Variants in THRB observed in about 807,000 individuals in gnomAD.
THRB encodes nuclear receptor subfamily 1 group A member 2.
A neutral mutation model predicts 47.8 loss-of-function variants in THRB; 12 were observed. The observed-to-expected ratio is 0.25, with a 90% CI of 0.16 to 0.41. The LOEUF (loss-of-function observed/expected upper bound fraction) is 0.41, where lower values mean the gene tolerates loss of function less well. THRB is among the 10% of genes least tolerant of loss of function. The pLI is 1.00. For missense variants in THRB, 348 were observed against 589.2 expected, an observed-to-expected ratio of 0.59 and a Z score of 4.24; for synonymous variants, 218 against 212.2, an observed-to-expected ratio of 1.03 and a Z score of -0.24.
intron 1 of THRB, among the ~76,000 whole-genome samples, chr3:24,484,935 AG>A (rs1020663880): frequency 2.6e-5 from 4 of 152,250 alleles, no homozygotes; most frequent in Admixed American, 2.6e-4. Context: ...ATTCTTAATT[AG>A]GTGATATTTC....
intron 1 of THRB, among the ~76,000 whole-genome samples, chr3:24,467,976 A>T (rs897216334): frequency 6.6e-6 from 1 of 152,188 alleles, no homozygotes; most frequent in African/African-American, 2.4e-5. Context: ...TTTTTTCTAC[A>T]TTGCGAATCT....
At chr3:24,199,803 G>A (rs928597261) in intron 4 of THRB, among the ~76,000 whole-genome samples, 7 of 152,214 alleles carry the variant, frequency 4.6e-5, no homozygotes, top group East Asian at 3.9e-4. Flanking sequence ...ACAAAACAAC[G>A]TGTGTTCAAA....
chr3:24,147,654 A>G (rs1053146999), intron 6 of THRB, among the ~76,000 whole-genome samples: 7 of 152,182 alleles, frequency 4.6e-5, no homozygotes, highest in Non-Finnish European at 8.8e-5. Flanking sequence ...ATTTTTCTGG[A>G]CGTGATCCTC....
Position 24,271,284 on chromosome 3 carries a change from T to A in THRB, c.-43+25942A>T, listed in dbSNP as rs138632933. 8.6e-3 allele frequency among the ~76,000 whole-genome samples: 1,302 copies of A among 152,216 alleles called. 18 individuals carry two copies. Among genetic ancestry groups the A allele is most frequent in the African/African-American group, 0.03 (1,232 of 41,534 alleles). On this transcript the variant is annotated intron_variant, in intron 3 of 10. Coordinates refer to ENST00000646209, the MANE Select transcript of THRB (RefSeq NM_001354712.2). Reference sequence around the variant, plus strand: ...TGCGGCTTATGAAAATACTAAACAATCAGAACTTGCTCTTTTTTCTCTGTT... The same window carrying A: ...TGCGGCTTATGAAAATACTAAACAAACAGAACTTGCTCTTTTTTCTCTGTT...
chr3:24,218,276 A>C (rs559501410), intron 4 of THRB, among the ~76,000 whole-genome samples: 1 of 151,888 alleles, frequency 6.6e-6, no homozygotes, highest in Non-Finnish European at 1.5e-5. Context: ...TCAAAAAAAA[A>C]CAAAAAACAA....
chr3:24,373,588 C>T (rs114037294), intron 1 of THRB, among the ~76,000 whole-genome samples: 1,800 of 152,112 alleles, frequency 0.012, 31 homozygotes, highest in African/African-American at 0.041. Flanking sequence ...ATAGATGAAG[C>T]GGCTGGGAAT....
chr3:24,492,202 G>GTAT (rs1560322715), intron 1 of THRB, among the ~76,000 whole-genome samples: 1 of 152,206 alleles, frequency 6.6e-6, no homozygotes, highest in African/African-American at 2.4e-5. Flanking sequence ...TGTGTGCCAA[G>GTAT]TATTGTTCTA....
At chr3:24,169,453 T>C (rs1349506918) in intron 5 of THRB, among the ~76,000 whole-genome samples, 1 of 152,066 alleles carries the variant, frequency 6.6e-6, no homozygotes, top group East Asian at 1.9e-4. Context: ...GTTGCTGAAA[T>C]ACACAGAATT....
intron 3 of THRB, among the ~76,000 whole-genome samples, chr3:24,283,110 G>A (rs1473704810): frequency 6.6e-6 from 1 of 151,126 alleles, no homozygotes; most frequent in Non-Finnish European, 1.5e-5. Flanking sequence ...TGATACCAAA[G>A]CCGGGCAGAG....
At chr3:24,170,792 T>C (rs9850017) in intron 5 of THRB, among the ~76,000 whole-genome samples, 149 of 152,178 alleles carry the variant, frequency 9.8e-4, no homozygotes, top group African/African-American at 3.5e-3. Context: ...ACTCTTCATA[T>C]ACATAACAAC....
At chr3:24,439,220 C>T (rs190405421) in intron 1 of THRB, among the ~76,000 whole-genome samples, 1 of 152,198 alleles carries the variant, frequency 6.6e-6, no homozygotes, top group Admixed American at 6.5e-5. Context: ...TTGTCAAGGG[C>T]AATCCTCCAG....
At chr3:24,179,420 T>C (rs950122272) in intron 5 of THRB, among the ~76,000 whole-genome samples, 2 of 152,202 alleles carry the variant, frequency 1.3e-5, no homozygotes, top group Non-Finnish European at 2.9e-5. Flanking sequence ...AATATGTATA[T>C]ATGCAAACAA....
intron 3 of THRB, among the ~76,000 whole-genome samples, chr3:24,289,797 C>T (rs2055731640): frequency 6.6e-6 from 1 of 152,126 alleles, no homozygotes; most frequent in Non-Finnish European, 1.5e-5. Context: ...AGTCAATCTC[C>T]CTACTTACTG....
At chr3:24,254,294 G>T (rs1346077507) in intron 3 of THRB, among the ~76,000 whole-genome samples, 1 of 149,252 alleles carries the variant, frequency 6.7e-6, no homozygotes, top group Non-Finnish European at 1.5e-5. Flanking sequence ...ACTCAGGAGG[G>T]TGAGGCAGGA....
intron 1 of THRB, among the ~76,000 whole-genome samples, chr3:24,456,753 T>C (rs1356650440): frequency 6.6e-6 from 1 of 151,934 alleles, no homozygotes; most frequent in Non-Finnish European, 1.5e-5. Flanking sequence ...TAAGATAGTA[T>C]ACAATATCTT....
intron 1 of THRB, among the ~76,000 whole-genome samples, chr3:24,407,883 C>T (rs75183095): frequency 0.12 from 18,640 of 151,786 alleles, 2,569 homozygotes; most frequent in African/African-American, 0.34. Flanking sequence ...CGATCAACTG[C>T]TCTATCTTGA....
At chr3:24,209,644 G>A (rs2045800721) in intron 4 of THRB, among the ~76,000 whole-genome samples, 1 of 152,136 alleles carries the variant, frequency 6.6e-6, no homozygotes, top group Non-Finnish European at 1.5e-5. Context: ...TCGGACACAG[G>A]AAGAGGAACA....
At chr3:24,445,528 A>T (rs1332799796) in intron 1 of THRB, among the ~76,000 whole-genome samples, 2 of 152,226 alleles carry the variant, frequency 1.3e-5, no homozygotes, top group African/African-American at 4.8e-5. Flanking sequence ...ATCTCAATGG[A>T]TAAATGGGCA....
intron 2 of THRB, among the ~76,000 whole-genome samples, chr3:24,302,574 C>G (rs2057022290): frequency 6.6e-6 from 1 of 152,218 alleles, no homozygotes; most frequent in Admixed American, 6.5e-5. Context: ...GTCTGCACAG[C>G]AGAATTTGTC....
Sources: gnomAD v4.1 joint callset for allele counts (sites outside exome capture counted in the v4.1 genomes callset) on GRCh38, gnomAD v4.1.1 for gene constraint, MANE v1.5 for transcripts, NCBI Gene and HGNC (gene_info 2026-07-23, HGNC 2026-07-21) for gene names.